The following SMG1 variants were observed in gnomAD, a reference collection of about 807,000 sequenced individuals.
SMG1 encodes serine/threonine-protein kinase SMG1.
Under a neutral mutation model 419.9 loss-of-function variants are expected in SMG1, and 22 were observed. The ratio of observed to expected loss-of-function variants is 0.05; its 90% confidence interval spans 0.04 to 0.07. The LOEUF (loss-of-function observed/expected upper bound fraction) is 0.07. SMG1 is among the 10% of genes least tolerant of loss of function. The pLI, the probability that SMG1 is intolerant of heterozygous loss-of-function variation, is 1.00. For synonymous variants in SMG1, 1,538 were observed against 1,553.5 expected (o/e 0.99, Z 0.23); for missense variants, 3,185 against 4,342.0 (o/e 0.73, Z 7.49).
chr16:18,887,591 C>A (rs1467377745), intron 6 of SMG1, among the ~76,000 whole-genome samples: 3 of 123,524 alleles, frequency 2.4e-5, no homozygotes, highest in Non-Finnish European at 3.2e-5. Flanking sequence ...TGGACTCAGG[C>A]GATTCACCAG....
At chr16:18,851,216 C>T (rs996122318) in intron 33 of SMG1, among the ~76,000 whole-genome samples, 9 of 152,212 alleles carry the variant, frequency 5.9e-5, no homozygotes, top group African/African-American at 1.4e-4. Flanking sequence ...AAGAACTGAT[C>T]GATATAGCTT....
chr16:18,888,986 C>T (rs538435168), intron 6 of SMG1, among the ~76,000 whole-genome samples: 1 of 151,882 alleles, frequency 6.6e-6, no homozygotes, highest in East Asian at 2.0e-4. Flanking sequence ...CCACGCCTGG[C>T]TAATTTTTTT....
intron 60 of SMG1, among the ~76,000 whole-genome samples, chr16:18,812,587 TAC>T (rs1248988104): frequency 3.3e-5 from 5 of 149,414 alleles, no homozygotes; most frequent in African/African-American, 1.2e-4. Context: ...CACATATATA[TAC>T]ATATATATAC....
Position 18,868,360 on chromosome 16 carries a change from C to T in SMG1, c.3031-6G>A, listed in dbSNP as rs978942402. The T allele has an allele frequency of 6.9e-6, 9 of 1,302,688 alleles. No individual in the cohort carries two copies. Among genetic ancestry groups the T allele is most frequent in the South Asian group, 2.6e-5 (2 of 77,984 alleles). 80.7% of individuals were successfully genotyped at this position (1,302,688 alleles called of 1,614,324 possible). On this transcript the variant is annotated splice_polypyrimidine_tract_variant and splice_region_variant and intron_variant, in intron 21 of 62. Transcript: ENST00000446231. ...TAGAAAAAAGTTCTAATGACCTTTA[C>T]GATAAGAGAAAGAAAAGCTCAGGAC...
chr16:18,832,216 C>T (rs1048491364), intron 51 of SMG1, among the ~76,000 whole-genome samples: 3 of 151,788 alleles, frequency 2.0e-5, no homozygotes, highest in African/African-American at 7.3e-5. Flanking sequence ...GACATTGGAA[C>T]GCCAAAGAAA....
At chr16:18,831,124 C>T (rs1284896407) in intron 51 of SMG1, among the ~76,000 whole-genome samples, 1 of 152,130 alleles carries the variant, frequency 6.6e-6, no homozygotes, top group Non-Finnish European at 1.5e-5. Context: ...GTAAGGTCTT[C>T]AGAAATTCAC....
In SMG1 at chr16:18,876,230, T is replaced by C. The variant is rs775032531; in HGVS notation, c.1784A>G (p.Glu595Gly). The C allele has an allele frequency of 6.2e-7, 1 of 1,611,678 alleles. No homozygotes were observed. The highest frequency in any genetic ancestry group is 8.5e-7 in the Non-Finnish European group (1 of 1,179,698). Residue 595 changes from glutamate to glycine, a missense_variant, in exon 13 of 63, where the codon GAG (glutamate) becomes GGG (glycine). Coordinates refer to ENST00000446231, the MANE Select transcript of SMG1 (RefSeq NM_015092.5). ...ATTGAACACATGATTCTTAAAAGCC[T>C]CATGTTTTATTTCAGAACAGGCCTC... ...LPEACSEIKH[E>G]AFKNHVFNVD...
chr16:18,837,901 T>C lies in SMG1; in HGVS notation c.7413+113A>G, dbSNP rs923202363. On this transcript the variant is annotated intron_variant, in intron 45 of 62. Coordinates refer to ENST00000446231, the MANE Select transcript of SMG1 (RefSeq NM_015092.5). ...ATATTTAACTGCCATTTCAATATTA[T>C]ACATTAGTTTTGCCAAAAAAATTAG... The C allele has an allele frequency of 1.5e-5, 16 of 1,040,158 alleles. No homozygotes were observed. In the African/African-American group the frequency reaches 1.7e-4, roughly 11 times the overall value. 64.4% of individuals were successfully genotyped at this position (1,040,158 alleles called of 1,614,324 possible).
rs945478856 is a variant in SMG1 at position 18,837,438 on chromosome 16, G to A, written c.7419C>T (p.Asn2473=). 2 of 1,610,670 alleles carry A rather than the reference G, an allele frequency of 1.2e-6. No individual in the cohort carries two copies. The highest frequency in any genetic ancestry group is 1.7e-5 in the Admixed American group (1 of 59,394). The change falls in exon 46 of 63, where the codon AAC becomes AAT. Residue 2473 remains asparagine (N), a synonymous_variant. Coordinates refer to ENST00000446231, the MANE Select transcript of SMG1 (RefSeq NM_015092.5). ...FSSRVAEIKV[N]WFKNRDEMLV... The stretch of plus-strand genomic sequence containing the variant: ...GCATCTCATCTCTATTCTTAAACCA[G>A]TTCACCTGTAAAAAGATATTACGAT...
intron 55 of SMG1, among the ~76,000 whole-genome samples, 153 bp downstream of exon 55, chr16:18,827,878 A>G (rs113246097): frequency 1.3e-5 from 2 of 148,872 alleles, no homozygotes; most frequent in Admixed American, 6.7e-5. Flanking sequence ...ATATATGTAT[A>G]AATTAAAAGC....
intron 22 of SMG1, among the ~76,000 whole-genome samples, chr16:18,867,157 T>G (rs2035556031): frequency 6.6e-6 from 1 of 152,224 alleles, no homozygotes; most frequent in Non-Finnish European, 1.5e-5. Flanking sequence ...GCTAAACATT[T>G]TGTTATTTTT....
intron 33 of SMG1, among the ~76,000 whole-genome samples, chr16:18,850,756 A>AT (rs34833240): frequency 6.6e-6 from 1 of 151,666 alleles, no homozygotes; most frequent in Non-Finnish European, 1.5e-5. Flanking sequence ...ACCTGCAGAA[A>AT]TTTTTTTTTC....
chr16:18,852,868 A>G (rs887617409), intron 31 of SMG1, among the ~76,000 whole-genome samples: 2 of 152,226 alleles, frequency 1.3e-5, no homozygotes, highest in African/African-American at 4.8e-5. Flanking sequence ...TTTCATTCAT[A>G]CAGACTCATG....
intron 3 of SMG1, among the ~76,000 whole-genome samples, chr16:18,894,923 G>T (rs1199866188): frequency 2.0e-5 from 3 of 151,990 alleles, no homozygotes; most frequent in African/African-American, 7.2e-5. Flanking sequence ...GTTCACGCCA[G>T]TCTCCTGCCT....
intron 1 of SMG1, among the ~76,000 whole-genome samples, chr16:18,919,984 G>A (rs532203515): frequency 4.0e-4 from 61 of 151,594 alleles, no homozygotes; most frequent in Non-Finnish European, 7.1e-4. Flanking sequence ...CCAGCTACTC[G>A]GGAGGCTGAG....
At chr16:18,923,307 T>C (rs577017890) in intron 1 of SMG1, among the ~76,000 whole-genome samples, 2 of 152,140 alleles carry the variant, frequency 1.3e-5, no homozygotes, top group Non-Finnish European at 2.9e-5. Context: ...CCACACCAAC[T>C]GGCAAACTAA....
At chr16:18,819,404 G>A in intron 56 of SMG1, 98 bp downstream of exon 56, 1 of 1,326,308 alleles carries the variant, frequency 7.5e-7, no homozygotes, top group Non-Finnish European at 1.0e-6. Context: ...CCAGAACGTG[G>A]GCTCTCAAGC....
intron 59 of SMG1, 60 bp from the exon 60 acceptor site, chr16:18,815,341 A>C (rs2031906065): frequency 1.3e-6 from 2 of 1,543,464 alleles, no homozygotes; most frequent in African/African-American, 1.4e-5. Context: ...TACTTATAAA[A>C]ATATGAACAA....
chr16:18,841,551 A>G lies in SMG1; in HGVS notation c.6696+14T>C. Reference sequence around the variant, plus strand: ...GAGAATAGACTAATACACTGTGTAGATGATTTAATCAACCTTTTGTGCTTG... The same window carrying G: ...GAGAATAGACTAATACACTGTGTAGGTGATTTAATCAACCTTTTGTGCTTG... On this transcript the variant is annotated intron_variant, in intron 41 of 62. Transcript: ENST00000446231. The G allele has an allele frequency of 1.9e-6, 3 of 1,608,092 alleles. No homozygotes were observed. Among genetic ancestry groups the G allele is most frequent in the African/African-American group, 1.3e-5 (1 of 74,914 alleles).
Sources: gnomAD v4.1 joint callset for allele counts (sites outside exome capture counted in the v4.1 genomes callset) on GRCh38, gnomAD v4.1.1 for gene constraint, MANE v1.5 for transcripts, NCBI Gene and HGNC (gene_info 2026-07-23, HGNC 2026-07-21) for gene names.